The following ADGRB3 variants were observed in gnomAD, a reference collection of about 807,000 sequenced individuals.
The protein encoded by ADGRB3 is brain-specific angiogenesis inhibitor 3.
In ADGRB3, 37 loss-of-function variants were observed where a neutral mutation model predicts 193.4. That is an observed-to-expected ratio of 0.19 (90% confidence interval 0.15 to 0.25). ADGRB3 has a LOEUF of 0.25. ADGRB3 is among the 10% of genes least tolerant of loss of function. The pLI, the probability that ADGRB3 is intolerant of heterozygous loss-of-function variation, is 1.00. For synonymous variants in ADGRB3, 690 were observed against 644.2 expected (o/e 1.07, Z -1.08); for missense variants, 1,637 against 1,852.9 (o/e 0.88, Z 2.14).
intron 16 of ADGRB3, among the ~76,000 whole-genome samples, chr6:69,071,496 G>A (rs1192255313): frequency 6.6e-6 from 1 of 152,148 alleles, no homozygotes; most frequent in Non-Finnish European, 1.5e-5. Context: ...AGAGTGGTAT[G>A]TAGAACATCT....
intron 3 of ADGRB3, among the ~76,000 whole-genome samples, chr6:68,800,974 G>C (rs1767299537): frequency 6.6e-6 from 1 of 151,998 alleles, no homozygotes; most frequent in Non-Finnish European, 1.5e-5. Flanking sequence ...CTTATAAACT[G>C]TTTAATATAA....
At chr6:68,737,877 T>G (rs1393445186) in intron 3 of ADGRB3, among the ~76,000 whole-genome samples, 2 of 152,190 alleles carry the variant, frequency 1.3e-5, no homozygotes, top group Non-Finnish European at 2.9e-5. Context: ...AAGAAATACC[T>G]GCTTTATGAG....
intron 17 of ADGRB3, among the ~76,000 whole-genome samples, chr6:69,122,837 C>G (rs1014054118): frequency 1.8e-4 from 28 of 151,952 alleles, no homozygotes; most frequent in African/African-American, 6.8e-4. Context: ...AACATACATA[C>G]ATACATACAT....
At chr6:69,131,209 C>G (rs932890506) in intron 17 of ADGRB3, among the ~76,000 whole-genome samples, 2 of 151,974 alleles carry the variant, frequency 1.3e-5, no homozygotes, top group Non-Finnish European at 2.9e-5. Flanking sequence ...GAAGTCAAAG[C>G]AAGTCATGAA....
intron 26 of ADGRB3, among the ~76,000 whole-genome samples, chr6:69,342,835 A>G (rs1400355469): frequency 1.3e-5 from 2 of 152,130 alleles, no homozygotes; most frequent in African/African-American, 4.8e-5. Context: ...TTGCTTCACT[A>G]AAATTCCTGT....
intron 3 of ADGRB3, among the ~76,000 whole-genome samples, chr6:68,883,914 T>C (rs1172439255): frequency 1.3e-5 from 2 of 152,212 alleles, no homozygotes; most frequent in East Asian, 3.8e-4. Flanking sequence ...TTGGAATTAA[T>C]AAGGCTTGAA....
chr6:69,050,255 T>G (rs1771355230), intron 15 of ADGRB3, among the ~76,000 whole-genome samples: 1 of 152,122 alleles, frequency 6.6e-6, no homozygotes, highest in Non-Finnish European at 1.5e-5. Context: ...GAAGCAGCAG[T>G]GATTAGGCTT....
At chr6:69,190,854 T>C (rs775810953) in intron 17 of ADGRB3, among the ~76,000 whole-genome samples, 13 of 152,176 alleles carry the variant, frequency 8.5e-5, no homozygotes, top group Non-Finnish European at 1.8e-4. Context: ...TATGTTACAA[T>C]TGCCTACATC....
At chr6:69,285,672 A>AAAATAAAT (rs1189537986) in intron 20 of ADGRB3, among the ~76,000 whole-genome samples, 1 of 151,994 alleles carries the variant, frequency 6.6e-6, no homozygotes, top group East Asian at 1.9e-4. Context: ...CTCCATCTTA[A>AAAATAAAT]AAATAAATAA....
At chr6:68,785,722 A>G (rs1237974791) in intron 3 of ADGRB3, among the ~76,000 whole-genome samples, 5 of 152,038 alleles carry the variant, frequency 3.3e-5, no homozygotes, top group Non-Finnish European at 7.4e-5. Flanking sequence ...GATCCCTGAG[A>G]AATCGCCACA....
At chr6:68,926,666 A>G (rs1233864055) in intron 3 of ADGRB3, among the ~76,000 whole-genome samples, 1 of 152,188 alleles carries the variant, frequency 6.6e-6, no homozygotes, top group African/African-American at 2.4e-5. Context: ...GATTACAGTA[A>G]TGACTCTTAT....
chr6:69,176,628 A>T (rs375683109), intron 17 of ADGRB3, among the ~76,000 whole-genome samples: 70 of 152,216 alleles, frequency 4.6e-4, no homozygotes, highest in African/African-American at 1.7e-3. Flanking sequence ...TGTCAGGGTG[A>T]TGCTGGCTTT....
chr6:69,040,912 T>C (rs968813963), intron 13 of ADGRB3, among the ~76,000 whole-genome samples: 2 of 152,088 alleles, frequency 1.3e-5, no homozygotes, highest in African/African-American at 2.4e-5. Context: ...TACTTTTGAG[T>C]ATCAAAGAAT....
intron 3 of ADGRB3, among the ~76,000 whole-genome samples, chr6:68,810,266 T>C (rs568360795): frequency 1.3e-5 from 2 of 152,238 alleles, no homozygotes; most frequent in South Asian, 4.2e-4. Context: ...TCCTTAAAAA[T>C]GGAATAAAGT....
At chr6:69,356,728 T>C (rs6912952) in intron 28 of ADGRB3, among the ~76,000 whole-genome samples, 35,543 of 151,994 alleles carry the variant, frequency 0.23, 4,823 homozygotes, top group African/African-American at 0.36. Context: ...TCTGTATGTG[T>C]ATTAAGGTTG....
chr6:69,373,075 C>A (rs927781384), intron 30 of ADGRB3, among the ~76,000 whole-genome samples: 5 of 151,868 alleles, frequency 3.3e-5, no homozygotes, highest in African/African-American at 1.2e-4. Flanking sequence ...GAAATCATAC[C>A]ATCTGAGGAG....
intron 17 of ADGRB3, among the ~76,000 whole-genome samples, chr6:69,186,014 A>G (rs1256139463): frequency 2.0e-5 from 3 of 152,020 alleles, no homozygotes; most frequent in Admixed American, 2.0e-4. Flanking sequence ...CAGAGCATGC[A>G]TGTGTGTGCA....
chr6:69,116,665 A>G (rs559516680), intron 17 of ADGRB3, among the ~76,000 whole-genome samples: 1 of 152,378 alleles, frequency 6.6e-6, no homozygotes, highest in Admixed American at 6.5e-5. Flanking sequence ...TTTCTGAAAG[A>G]TACAATATTA....
chr6:68,736,221 G>T (rs1765868581), intron 3 of ADGRB3, among the ~76,000 whole-genome samples: 1 of 151,650 alleles, frequency 6.6e-6, no homozygotes, highest in South Asian at 2.1e-4. Context: ...GTCTCTCTTT[G>T]TTGCCCAGGC....
Sources: allele counts gnomAD v4.1 joint callset (sites outside exome capture counted in the v4.1 genomes callset), GRCh38; gene constraint gnomAD v4.1.1; transcripts MANE v1.5; gene names NCBI Gene and HGNC (gene_info 2026-07-23, HGNC 2026-07-21).